ZNF454: variants seen among roughly 807,000 people sequenced by gnomAD.
The protein encoded by ZNF454 is zinc finger protein 454.
A neutral mutation model predicts 48.2 loss-of-function variants in ZNF454; 30 were observed. The ratio of observed to expected loss-of-function variants is 0.62; its 90% CI spans 0.47 to 0.84. The LOEUF is 0.84. Ranked by LOEUF, ZNF454 falls within the 40% of genes least tolerant of loss-of-function variation. ZNF454 has a pLI of 0.00. For synonymous variants in ZNF454, 204 were observed against 211.4 expected (o/e 0.97, Z 0.30); for missense variants, 510 against 623.1 (o/e 0.82, Z 1.93).
chr5:178,951,543 A>G (rs1228558782), intron 4 of ZNF454, among the ~76,000 whole-genome samples: 1 of 152,128 alleles, frequency 6.6e-6, no homozygotes, highest in African/African-American at 2.4e-5. Flanking sequence ...CTTAACATGT[A>G]TGTACTTTAC....
intron 4 of ZNF454, among the ~76,000 whole-genome samples, chr5:178,953,300 G>A (rs1759628175): frequency 6.6e-6 from 1 of 152,114 alleles, no homozygotes; most frequent in Non-Finnish European, 1.5e-5. Flanking sequence ...AGTCATAACT[G>A]AGCTGTGTCG....
Position 178,942,763 on chromosome 5 carries a change from C to G in ZNF454, c.-29C>G. The G allele has an allele frequency of 6.2e-7, 1 of 1,613,974 alleles. No homozygotes were observed. Among genetic ancestry groups the G allele is most frequent in the Non-Finnish European group, 8.5e-7 (1 of 1,179,970 alleles). The stretch of plus-strand genomic sequence containing the variant: ...CCTGCCTCCATAGCACTTTGCCTGT[C>G]CCTAAGAGGGCTCATCGGAGAAGAA... On this transcript the variant is annotated 5_prime_UTR_variant, in exon 2 of 5. Coordinates refer to ENST00000519564, the MANE Select transcript of ZNF454 (RefSeq NM_001178089.3).
At chr5:178,987,337 G>A in the ZNF454 span, 3 of 488,114 alleles carry the variant, frequency 6.1e-6, no homozygotes, top group Non-Finnish European at 1.2e-5. Flanking sequence ...TAGAAAGCAG[G>A]GTGGCAAGAA....
the ZNF454 span, chr5:178,985,519 C>G: frequency 8.9e-6 from 3 of 337,430 alleles, no homozygotes; most frequent in South Asian, 2.3e-5. Context: ...CTGGCTAACA[C>G]GGTGAAGCCC....
At chr5:178,943,850 C>A (rs1189382374) in intron 2 of ZNF454, among the ~76,000 whole-genome samples, 2 of 151,986 alleles carry the variant, frequency 1.3e-5, no homozygotes, top group Non-Finnish European at 2.9e-5. Context: ...ACAGTGAAAC[C>A]CCGTCTCTAC....
At position 178,966,057 on chromosome 5, in the gene ZNF454, A is replaced by G; in HGVS notation, c.*84A>G. 2 of 1,175,288 alleles carry G rather than the reference A, an allele frequency of 1.7e-6. No individual in the cohort carries two copies. Among genetic ancestry groups the G allele is most frequent in the Non-Finnish European group, 2.4e-6 (2 of 836,094 alleles). The allele number at this position is 1,175,288 out of a possible 1,614,324, so 72.8% of individuals were successfully genotyped here. A position where few individuals can be genotyped will look rare whatever the true frequency, so the allele number is the denominator to read the frequency against. ...AGATAATCCGTTCTAGAGAATAACT[A>G]TGAAAGCTTGCATCAAGATAGTCAC... On this transcript the variant is annotated 3_prime_UTR_variant, in exon 5 of 5. Transcript: ENST00000519564.
chr5:178,955,444 G>A (rs558095161), intron 4 of ZNF454, among the ~76,000 whole-genome samples: 1 of 152,296 alleles, frequency 6.6e-6, no homozygotes, highest in Admixed American at 6.5e-5. Flanking sequence ...GTTTTTCTCA[G>A]TCCTTAAGAT....
intron 2 of ZNF454, among the ~76,000 whole-genome samples, chr5:178,943,900 G>A (rs922016954): frequency 4.6e-5 from 7 of 152,208 alleles, no homozygotes; most frequent in East Asian, 1.9e-4. Context: ...GGTGGTGGGC[G>A]CCTGTAGTCC....
At chr5:178,968,644 C>G (rs774726567), downstream of ZNF454, 11 of 376,010 alleles carry the variant, frequency 2.9e-5, no homozygotes, top group Non-Finnish European at 4.9e-5. Flanking sequence ...CCAGAGTAAA[C>G]CTGAAAAAAC....
the ZNF454 span, among the ~76,000 whole-genome samples, chr5:178,989,585 G>A: frequency 1.3e-5 from 2 of 151,880 alleles, no homozygotes; most frequent in Non-Finnish European, 2.9e-5. Flanking sequence ...GTGGCCAGGT[G>A]AGCTAGGAGT....
chr5:178,973,115 GTCTC>G, the ZNF454 span, among the ~76,000 whole-genome samples: 43 of 142,690 alleles, frequency 3.0e-4, no homozygotes, highest in Non-Finnish European at 2.7e-4. Flanking sequence ...TCCTTTTGCT[GTCTC>G]TCTCTGTCTC....
chr5:178,950,159 C>T (rs911815850), intron 4 of ZNF454, among the ~76,000 whole-genome samples: 3 of 152,198 alleles, frequency 2.0e-5, no homozygotes, highest in African/African-American at 7.2e-5. Flanking sequence ...AGGTGTGAGC[C>T]ACCGTACCTG....
chr5:178,977,626 A>G, the ZNF454 span, among the ~76,000 whole-genome samples: 2 of 151,322 alleles, frequency 1.3e-5, no homozygotes, highest in Non-Finnish European at 2.9e-5. Context: ...CTGGAGTGCA[A>G]TGGCACGATC....
chr5:178,961,162 C>A (rs1314488789), intron 4 of ZNF454, among the ~76,000 whole-genome samples: 5 of 151,532 alleles, frequency 3.3e-5, no homozygotes, highest in African/African-American at 7.2e-5. Flanking sequence ...ATCTCTTGAC[C>A]TCGTGATCTG....
the ZNF454 span, chr5:178,979,709 CTG>C: frequency 2.6e-5 from 4 of 152,244 alleles, no homozygotes; most frequent in Non-Finnish European, 4.4e-5. Context: ...GAATGTAAAA[CTG>C]TGGAAAAGTT....
Position 178,965,279 on chromosome 5 carries a change from G to T in ZNF454, c.875G>T (p.Arg292Ile). 2 of 1,614,190 alleles carry T rather than the reference G, an allele frequency of 1.2e-6. No homozygotes were observed. Among genetic ancestry groups the T allele is most frequent in the Non-Finnish European group, 1.7e-6 (2 of 1,180,032 alleles). Residue 292 changes from arginine to isoleucine, a missense_variant, in exon 5 of 5, where the codon AGA (arginine) becomes ATA (isoleucine). Transcript: ENST00000519564. This position sits in a 1 kb window ranked among gnomAD's most constrained non-coding sequence, Gnocchi z 5.2. ...IRNIHLAHHH[R>I]IHTGEKPFKC... Reference sequence around the variant, plus strand: ...AATATACACCTTGCCCATCATCATAGAATACATACTGGAGAGAAACCTTTT... The same window carrying T: ...AATATACACCTTGCCCATCATCATATAATACATACTGGAGAGAAACCTTTT...
the ZNF454 span, chr5:178,981,286 T>G: frequency 7.6e-6 from 2 of 264,416 alleles, no homozygotes; most frequent in Non-Finnish European, 7.4e-6. The surrounding 1 kb of genome is among the most constrained non-coding windows in gnomAD (Gnocchi z 5.1). Context: ...AATCCCCAGG[T>G]TATGGGGGTT....
At chr5:178,981,340 G>C in the ZNF454 span, 4 of 331,386 alleles carry the variant, frequency 1.2e-5, no homozygotes, top group African/African-American at 8.4e-5. The surrounding 1 kb of genome is among the most constrained non-coding windows in gnomAD (Gnocchi z 5.1). Context: ...AAAGCCCAGG[G>C]CTTCATCATC....
At chr5:178,989,295 G>A in the ZNF454 span, 1 of 1,609,866 alleles carries the variant, frequency 6.2e-7, no homozygotes, top group Admixed American at 1.7e-5. Flanking sequence ...TCGTCTGACT[G>A]GGTACCTGAG....
Sources: gnomAD v4.1 joint callset for allele counts (sites outside exome capture counted in the v4.1 genomes callset) on GRCh38, gnomAD v4.1.1 for gene constraint, Gnocchi (gnomAD v3.1) non-coding constraint, MANE v1.5 for transcripts, NCBI Gene and HGNC (gene_info 2026-07-23, HGNC 2026-07-21) for gene names.